The following SNTB1 variants were observed in gnomAD, a reference collection of about 807,000 sequenced individuals.
SNTB1 encodes syntrophin beta 1.
Under a neutral mutation model 48.9 loss-of-function variants are expected in SNTB1, and 36 were observed. That is an observed-to-expected ratio of 0.74 (90% CI 0.56 to 0.97). The LOEUF (loss-of-function observed/expected upper bound fraction) is 0.97, where lower values mean the gene tolerates loss of function less well. Among genes scored for constraint, SNTB1 ranks in the 50% least tolerant of loss-of-function variants. The pLI, the probability that SNTB1 is intolerant of heterozygous loss-of-function variation, is 0.00. For missense variants in SNTB1, 786 were observed against 703.4 expected (o/e 1.12, Z -1.33); for synonymous variants, 299 against 294.6 (o/e 1.01, Z -0.15).
At chr8:120,762,909 T>C (rs1819447007) in intron 1 of SNTB1, among the ~76,000 whole-genome samples, 1 of 152,304 alleles carries the variant, frequency 6.6e-6, no homozygotes, top group South Asian at 2.1e-4. Context: ...AAAAAATGCA[T>C]AGAACTTTAA....
chr8:120,757,274 A>T (rs1355726465), intron 1 of SNTB1, among the ~76,000 whole-genome samples: 1 of 152,166 alleles, frequency 6.6e-6, no homozygotes, highest in Non-Finnish European at 1.5e-5. Flanking sequence ...ATACTGGGTG[A>T]TTGGTCTGCA....
chr8:120,694,892 A>G (rs796399446), intron 1 of SNTB1, among the ~76,000 whole-genome samples: 10 of 152,270 alleles, frequency 6.6e-5, no homozygotes, highest in African/African-American at 2.4e-4. Flanking sequence ...TATTACTTTT[A>G]TAAATCTTAA....
intron 1 of SNTB1, among the ~76,000 whole-genome samples, chr8:120,788,655 C>T (rs1243328903): frequency 2.0e-5 from 3 of 151,890 alleles, no homozygotes; most frequent in Non-Finnish European, 2.9e-5. Context: ...AAGGTCATTA[C>T]ATAATGATAA....
intron 2 of SNTB1, among the ~76,000 whole-genome samples, chr8:120,686,995 C>G (rs888548075): frequency 6.6e-6 from 1 of 152,006 alleles, no homozygotes; most frequent in Non-Finnish European, 1.5e-5. Context: ...TTTTCACAAA[C>G]AAAGACTTAC....
At chr8:120,741,147 CT>C (rs1563586379) in intron 1 of SNTB1, among the ~76,000 whole-genome samples, 1 of 152,204 alleles carries the variant, frequency 6.6e-6, no homozygotes, top group Admixed American at 6.5e-5. Flanking sequence ...AGCTCTCTTC[CT>C]TTTGGATGAG....
rs71306894 is a variant in SNTB1, at chr8:120,566,329, CAA to C, written c.1136+8755_1136+8756del. Among the ~76,000 whole-genome samples the C allele has an allele frequency of 7.3e-3, 570 of 78,190 alleles. 2 individuals are homozygous for C. The highest frequency in any genetic ancestry group is 0.026 in the African/African-American group (536 of 20,632). 51.3% of individuals were successfully genotyped at this position (78,190 alleles called of 152,430 possible). ...GGGCGACAAGAGCAAGACTCTGTCT[CAA>C]AAAAAAAAAAAAAAAAAAAAAAGGG... is the stretch of plus-strand genomic sequence containing the variant. On this transcript the variant is annotated intron_variant, in intron 4 of 6. Transcript: ENST00000517992.
At chr8:120,694,935 G>T (rs751861764) in intron 1 of SNTB1, among the ~76,000 whole-genome samples, 13 of 151,964 alleles carry the variant, frequency 8.6e-5, no homozygotes, top group Non-Finnish European at 1.6e-4. Context: ...AACAAAAATA[G>T]CTTAAGAGCC....
intron 1 of SNTB1, among the ~76,000 whole-genome samples, chr8:120,750,112 A>G (rs545243770): frequency 7.7e-4 from 117 of 151,896 alleles, no homozygotes; most frequent in Admixed American, 1.2e-3. Context: ...TACTAAAGTG[A>G]ATAATCCCTC....
intron 3 of SNTB1, among the ~76,000 whole-genome samples, chr8:120,612,814 T>C (rs896603970): frequency 6.6e-6 from 1 of 152,214 alleles, no homozygotes; most frequent in Non-Finnish European, 1.5e-5. Flanking sequence ...CGTGGTATTT[T>C]GATAACATGC....
chr8:120,753,507 T>C (rs1819258026), intron 1 of SNTB1, among the ~76,000 whole-genome samples: 1 of 152,160 alleles, frequency 6.6e-6, no homozygotes, highest in Admixed American at 6.6e-5. Context: ...ATAGCACTAC[T>C]GTGTAGCTCC....
At chr8:120,579,389 G>T (rs1369405588) in intron 3 of SNTB1, among the ~76,000 whole-genome samples, 1 of 151,984 alleles carries the variant, frequency 6.6e-6, no homozygotes, top group African/African-American at 2.4e-5. Flanking sequence ...AAAATATCTA[G>T]AATCTGGCAG....
At chr8:120,583,514 AACACACACACACACACAC>A (rs10524445) in intron 3 of SNTB1, among the ~76,000 whole-genome samples, 9 of 143,158 alleles carry the variant, frequency 6.3e-5, no homozygotes, top group African/African-American at 2.4e-4. Context: ...TCCGTCTCAA[AACACACACACACACACAC>A]ACACACACAC....
At chr8:120,742,712 G>A (rs1321500652) in intron 1 of SNTB1, among the ~76,000 whole-genome samples, 1 of 152,186 alleles carries the variant, frequency 6.6e-6, no homozygotes, top group Non-Finnish European at 1.5e-5. Context: ...CTTACAGTAA[G>A]ACATTTCCTT....
At chr8:120,579,235 AAG>A (rs1425077119) in intron 3 of SNTB1, among the ~76,000 whole-genome samples, 1 of 152,108 alleles carries the variant, frequency 6.6e-6, no homozygotes, top group Non-Finnish European at 1.5e-5. Context: ...AAACAATTGA[AAG>A]AGACTTTATA....
intron 2 of SNTB1, among the ~76,000 whole-genome samples, chr8:120,636,317 G>T (rs1587050718): frequency 6.8e-6 from 1 of 147,088 alleles, no homozygotes; most frequent in South Asian, 2.2e-4. Flanking sequence ...ATGTATACAT[G>T]TGCCATGCTG....
intron 1 of SNTB1, 25 bp downstream of exon 1, chr8:120,811,248 G>C (rs762653514): frequency 1.3e-6 from 2 of 1,554,176 alleles, no homozygotes; most frequent in African/African-American, 1.4e-5. Context: ...CGCCCGGCGC[G>C]GCCCGCGCGC....
At chr8:120,706,740 C>A (rs1168529481) in intron 1 of SNTB1, among the ~76,000 whole-genome samples, 1 of 152,100 alleles carries the variant, frequency 6.6e-6, no homozygotes, top group African/African-American at 2.4e-5. Context: ...TCTCTCTTGC[C>A]CCTTACAGGT....
rs759021409 is a variant in SNTB1, at chr8:120,682,880, G to GTTTT, written c.788+10808_788+10811dup. Among the ~76,000 whole-genome samples, 12 of 127,388 alleles carry GTTTT rather than the reference G, an allele frequency of 9.4e-5. No homozygotes were observed. In the East Asian group the frequency reaches 1.6e-3, roughly 16 times the overall value. 83.6% of individuals were successfully genotyped at this position (127,388 alleles called of 152,430 possible). On this transcript the variant is annotated intron_variant, in intron 2 of 6. Transcript: ENST00000517992. ...ACTCATAGTTTTTTGTTTGTTTTTA[G>GTTTT]TTTTTTTTTTTTTTTTTTTGAGATG...
chr8:120,584,043 G>C (rs971095201), intron 3 of SNTB1, among the ~76,000 whole-genome samples: 1 of 152,152 alleles, frequency 6.6e-6, no homozygotes, highest in African/African-American at 2.4e-5. Flanking sequence ...GTCTGGCGTG[G>C]TGGCTCACGC....
Sources: gnomAD v4.1 joint callset for allele counts (sites outside exome capture counted in the v4.1 genomes callset) on GRCh38, gnomAD v4.1.1 for gene constraint, MANE v1.5 for transcripts, NCBI Gene and HGNC (gene_info 2026-07-23, HGNC 2026-07-21) for gene names.